DENND2A: variants seen among roughly 807,000 people sequenced by gnomAD.
DENND2A encodes DENN domain-containing protein 2A.
In DENND2A, 53 loss-of-function variants were observed where a neutral mutation model predicts 105.3. The observed-to-expected ratio is 0.50, with a 90% confidence interval of 0.40 to 0.63. DENND2A has a LOEUF of 0.63. Ranked by LOEUF, DENND2A falls within the 30% of genes least tolerant of loss-of-function variation. DENND2A has a pLI of 0.00. For missense variants in DENND2A, 1,138 were observed against 1,279.6 expected, an observed-to-expected ratio of 0.89 and a Z score of 1.69; for synonymous variants, 522 against 508.4, an observed-to-expected ratio of 1.03 and a Z score of -0.36.
In DENND2A at chr7:140,585,659, C is replaced by T. The variant is rs1798750317; in HGVS notation, c.1175G>A (p.Cys392Tyr). 1 of 1,614,072 alleles carries T rather than the reference C, an allele frequency of 6.2e-7. No individual in the cohort carries two copies. The highest frequency in any genetic ancestry group is 8.5e-7 in the Non-Finnish European group (1 of 1,180,036). ...PYEDIELHGR[C>Y]LGKKCVLNFP... ...ATTCAAGACACACTTCTTTCCCAGG[C>T]AGCGACCATGTAACTCGATGTCCTC... The change falls in exon 5 of 20, where the codon TGC (cysteine) becomes TAC (tyrosine). Residue 392 changes from cysteine (C) to tyrosine (Y), a missense_variant. Cys to Tyr is a radical substitution (Grantham distance 194). Coordinates refer to ENST00000496613, the MANE Select transcript of DENND2A (RefSeq NM_015689.5).
At position 140,585,691 on chromosome 7, in the gene DENND2A, G is replaced by C; in HGVS notation, c.1143C>G (p.Asn381Lys). 1 of 1,614,176 alleles carries C rather than the reference G, an allele frequency of 6.2e-7. No homozygotes were observed. The highest frequency in any genetic ancestry group is 8.5e-7 in the Non-Finnish European group (1 of 1,180,030). The change falls in exon 5 of 20, where the codon AAC becomes AAG. Residue 381 changes from asparagine to lysine, a missense_variant. Asn to Lys is a moderately conservative substitution (Grantham distance 94, BLOSUM62 0). Around this residue, in one of 2 missense-constraint regions of DENND2A, gnomAD observed 511 missense variants for 499.9 expected, o/e 1.02. Coordinates refer to ENST00000496613, the MANE Select transcript of DENND2A (RefSeq NM_015689.5). ...CATGTAACTCGATGTCCTCATAAGGGTTCTCCTTCATTGGCGGATCTGTGT... is the reference window on the plus strand; with the variant it reads ...CATGTAACTCGATGTCCTCATAAGGCTTCTCCTTCATTGGCGGATCTGTGT... The part of the protein sequence containing the change: ...EDILDPPMKE[N>K]PYEDIELHGR...
intron 18 of DENND2A, among the ~76,000 whole-genome samples, chr7:140,520,306 C>CAA (rs762064430): frequency 3.7e-5 from 4 of 108,204 alleles, no homozygotes; most frequent in Non-Finnish European, 5.9e-5. Flanking sequence ...AACTCCGTCG[C>CAA]AAAAAAAAAA....
chr7:140,563,134 AGTTTCTC>A (rs1182958657), intron 9 of DENND2A, among the ~76,000 whole-genome samples: 2,066 of 152,334 alleles, frequency 0.014, 45 homozygotes, highest in African/African-American at 0.047. Context: ...ATACCAAATG[AGTTTCTC>A]CACAAAGGAA....
chr7:140,568,134 G>T (rs1384091504), intron 8 of DENND2A, among the ~76,000 whole-genome samples: 2 of 152,038 alleles, frequency 1.3e-5, no homozygotes, highest in Non-Finnish European at 2.9e-5. Flanking sequence ...TAGAGACGAG[G>T]TTTCACTATG....
chr7:140,574,149 G>T, intron 5 of DENND2A, 141 bp from the exon 6 acceptor site: 1 of 838,270 alleles, frequency 1.2e-6, no homozygotes. Context: ...GTTTGGTTAT[G>T]CCAGTAAGTG....
chr7:140,612,505 ATT>A (rs552346129), intron 1 of DENND2A, among the ~76,000 whole-genome samples: 6 of 145,522 alleles, frequency 4.1e-5, no homozygotes, highest in African/African-American at 1.2e-4. Flanking sequence ...TGTTATACTA[ATT>A]TTTTTTTTTT....
chr7:140,520,200 G>A (rs1795804517), intron 18 of DENND2A, among the ~76,000 whole-genome samples: 1 of 152,030 alleles, frequency 6.6e-6, no homozygotes, highest in Admixed American at 6.6e-5. Flanking sequence ...CAGCTACTCG[G>A]GAGGCTGAGG....
At chr7:140,611,469 T>C (rs1585753181) in intron 1 of DENND2A, among the ~76,000 whole-genome samples, 1 of 152,024 alleles carries the variant, frequency 6.6e-6, no homozygotes, top group Non-Finnish European at 1.5e-5. Context: ...GCCTGGGAGG[T>C]TGAGGCTGCA....
chr7:140,540,348 C>T (rs1796615771), intron 14 of DENND2A, among the ~76,000 whole-genome samples: 1 of 152,272 alleles, frequency 6.6e-6, no homozygotes, highest in Non-Finnish European at 1.5e-5. Flanking sequence ...CAGCTGGCAT[C>T]TGACCCACTC....
chr7:140,550,554 C>T (rs1005872479), intron 12 of DENND2A, among the ~76,000 whole-genome samples: 3 of 152,168 alleles, frequency 2.0e-5, no homozygotes, highest in Non-Finnish European at 4.4e-5. Flanking sequence ...CTCCTGACAT[C>T]AGGTGATCTG....
intron 14 of DENND2A, among the ~76,000 whole-genome samples, chr7:140,538,007 A>G (rs1412186900): frequency 1.3e-5 from 2 of 152,334 alleles, no homozygotes; most frequent in South Asian, 2.1e-4. Context: ...TCACAACAGC[A>G]TTCTTTCCTT....
In DENND2A at chr7:140,587,734, T is replaced by G. The variant is rs765871045; in HGVS notation, c.1042A>C (p.Ser348Arg). The stretch of plus-strand genomic sequence containing the variant: ...GTCTGCGCGTACCAGTCCACCCTGC[T>G]GCTCTCAGAGGAAGACTGCAGTAAA... ...EDLLQSSSES[S>R]RVDWYAQTKL... Residue 348 changes from serine to arginine, a missense_variant, in exon 4 of 20, where the codon AGC becomes CGC. This residue lies in a region of DENND2A where 511 missense variants were observed against 499.9 expected (regional missense o/e 1.02). Coordinates refer to ENST00000496613, the MANE Select transcript of DENND2A (RefSeq NM_015689.5). 1.9e-6 allele frequency: 3 copies of G among 1,611,000 alleles called. No homozygotes were observed. The East Asian group carries it at 6.7e-5, about 36-fold the overall frequency.
chr7:140,521,768 C>T, intron 18 of DENND2A, 87 bp downstream of exon 18: 1 of 1,567,354 alleles, frequency 6.4e-7, no homozygotes, highest in East Asian at 2.2e-5. Context: ...TGTGCCCCTG[C>T]CCTGTGATCT....
chr7:140,521,686 GA>G (rs1249605017), intron 18 of DENND2A, among the ~76,000 whole-genome samples, 168 bp downstream of exon 18: 1 of 152,212 alleles, frequency 6.6e-6, no homozygotes, highest in Non-Finnish European at 1.5e-5. Context: ...GAAGCCAGGA[GA>G]GGGGGCCTTC....
At chr7:140,629,945 C>T (rs1800675566) in intron 1 of DENND2A, among the ~76,000 whole-genome samples, 1 of 151,366 alleles carries the variant, frequency 6.6e-6, no homozygotes. Context: ...ACAACCTCCA[C>T]CTCCTGGGTT....
intron 4 of DENND2A, 113 bp downstream of exon 4, chr7:140,587,540 G>A: frequency 2.6e-6 from 3 of 1,136,586 alleles, no homozygotes; most frequent in Admixed American, 2.1e-5. Flanking sequence ...GTGTCTTCAA[G>A]TGTGTGTGTG....
intron 12 of DENND2A, 74 bp downstream of exon 12, chr7:140,555,562 G>A: frequency 1.5e-6 from 2 of 1,293,700 alleles, no homozygotes; most frequent in Non-Finnish European, 2.2e-6. Context: ...CCCAGGACAT[G>A]GGGGTATTCC....
intron 14 of DENND2A, among the ~76,000 whole-genome samples, chr7:140,543,146 G>T (rs1201859607): frequency 6.7e-6 from 1 of 149,394 alleles, no homozygotes; most frequent in East Asian, 2.0e-4. Flanking sequence ...TTGAGACAAG[G>T]TCTTGTTCTG....
chr7:140,557,199 G>A (rs977994938), intron 11 of DENND2A, among the ~76,000 whole-genome samples: 1 of 151,954 alleles, frequency 6.6e-6, no homozygotes, highest in African/African-American at 2.4e-5. Flanking sequence ...GAGCCCAAGA[G>A]TTCGAGACCA....
Sources: gnomAD v4.1 joint callset for allele counts (sites outside exome capture counted in the v4.1 genomes callset) on GRCh38, gnomAD v4.1.1 for gene constraint, gnomAD v4.1.1 regional missense constraint, MANE v1.5 for transcripts, NCBI Gene and HGNC (gene_info 2026-07-23, HGNC 2026-07-21) for gene names.